The following MOV10L1 variants were observed in gnomAD, a reference collection of about 807,000 sequenced individuals.
MOV10L1 encodes the protein Mov10 like RNA helicase 1, also known as RNA helicase Mov10l1.
A neutral mutation model predicts 143.8 loss-of-function variants in MOV10L1; 110 were observed. The observed-to-expected ratio is 0.76, with a 90% CI of 0.66 to 0.90. The LOEUF (loss-of-function observed/expected upper bound fraction) is 0.90. Ranked by LOEUF, MOV10L1 falls within the 40% of genes least tolerant of loss-of-function variation. MOV10L1 has a pLI of 0.00. For missense variants in MOV10L1, 1,406 were observed against 1,526.8 expected (o/e 0.92, Z 1.32); for synonymous variants, 593 against 581.1 (o/e 1.02, Z -0.29).
chr22:50,113,482 C>T (rs1249942593), intron 5 of MOV10L1, 166 bp from the exon 6 acceptor site: 2 of 860,482 alleles, frequency 2.3e-6, no homozygotes, highest in African/African-American at 3.4e-5. Flanking sequence ...CGTTCTCTTC[C>T]TTAGGGTTTG....
At chr22:50,113,039 G>A (rs762123414) in intron 5 of MOV10L1, among the ~76,000 whole-genome samples, 4 of 152,278 alleles carry the variant, frequency 2.6e-5, no homozygotes, top group Middle Eastern at 3.4e-3. Context: ...ATGGTGCTTC[G>A]GACTGGGAAG....
Position 50,142,090 on chromosome 22 carries a change from A to G in MOV10L1, c.2080A>G (p.Thr694Ala). 1 of 1,608,408 alleles carries G rather than the reference A, an allele frequency of 6.2e-7. No individual in the cohort carries two copies. The highest frequency in any genetic ancestry group is 8.5e-7 in the Non-Finnish European group (1 of 1,178,408). The change falls in exon 16 of 27, where the codon ACA (threonine) becomes GCA (alanine). Residue 694 changes from threonine (T) to alanine (A), a missense_variant. This residue lies in a region of MOV10L1 where 1,233 missense variants were observed against 1,351.4 expected (regional missense o/e 0.91). Coordinates refer to ENST00000262794, the MANE Select transcript of MOV10L1 (RefSeq NM_018995.3). ...GCCTGATAATTTCTAGAATAGGAAA[A>G]CAATGACGGACCAAGCTGAGCATGG... Reference protein sequence around the residue: ...GQSTSKKNRKTMTDQAEHGTE... With the variant: ...GQSTSKKNRKAMTDQAEHGTE...
rs562133160 is a variant in MOV10L1, at chr22:50,110,178, GGTGGCTCACGCCCGTAATACCA to G, written c.743+1336_743+1357del. ...AAAAGAAGACTGTCTTGCCGGGCGC[GGTGGCTCACGCCCGTAATACCA>G]GCACTTTGGGAGGCCGAGGTGGGTG... On this transcript the variant is annotated intron_variant, in intron 5 of 26. Coordinates refer to ENST00000262794, the MANE Select transcript of MOV10L1 (RefSeq NM_018995.3). Among the ~76,000 whole-genome samples, 19 of 152,100 alleles carry G rather than the reference GGTGGCTCACGCCCGTAATACCA, an allele frequency of 1.2e-4. No homozygotes were observed. In the East Asian group the frequency reaches 2.3e-3, roughly 19 times the overall value.
At chr22:50,139,420 A>G (rs1399958402) in intron 15 of MOV10L1, among the ~76,000 whole-genome samples, 3 of 152,040 alleles carry the variant, frequency 2.0e-5, no homozygotes, top group African/African-American at 7.2e-5. Context: ...CTGAAAAGAC[A>G]TTGTTAGACA....
At position 50,128,482 on chromosome 22, in the gene MOV10L1, A is replaced by G. The variant is rs746576478; in HGVS notation, c.1885A>G (p.Met629Val). Residue 629 changes from methionine (M) to valine (V), a missense_variant, in exon 13 of 27, where the codon ATG becomes GTG. Transcript: ENST00000262794. ...EFEQAYNFEPMDVEFTYNRTT... is the reference protein window; with the variant it reads ...EFEQAYNFEPVDVEFTYNRTT... Reference sequence around the variant, plus strand: ...TGAACAAGCCTATAACTTTGAACCTATGGATGTGGAATTTACATATAATAG... The same window carrying G: ...TGAACAAGCCTATAACTTTGAACCTGTGGATGTGGAATTTACATATAATAG... The G allele has an allele frequency of 1.4e-4, 213 of 1,532,024 alleles. 1 individual carries two copies. The highest frequency in any genetic ancestry group is 7.0e-5 in the Admixed American group (4 of 56,858). 94.9% of individuals were successfully genotyped at this position (1,532,024 alleles called of 1,614,324 possible). A position where few individuals can be genotyped will look rare whatever the true frequency, so the allele number is the denominator to read the frequency against.
rs748978745 is a variant in MOV10L1 at position 50,158,058 on chromosome 22, G to A, written c.3068G>A (p.Gly1023Asp). Residue 1023 changes from glycine (G) to aspartate (D), a missense_variant and splice_region_variant, in exon 23 of 27, where the codon GGC becomes GAC. Gly to Asp is a moderately conservative substitution (Grantham distance 94). Around this residue, in one of 3 missense-constraint regions of MOV10L1, gnomAD observed 1,233 missense variants for 1,351.4 expected, o/e 0.91. Transcript: ENST00000262794. This position sits in a 1 kb window ranked among gnomAD's most constrained non-coding sequence, Gnocchi z 5.0. ...GGTTTTCTCTCCTCATCAACCCAGG[G>A]CAGCGAGGCACGGGAGGGAAAAAGC... ...GFPLIFHGVR[G>D]SEAREGKSPS... The A allele has an allele frequency of 1.3e-5, 21 of 1,612,944 alleles. No homozygotes were observed. The highest frequency in any genetic ancestry group is 1.3e-5 in the Non-Finnish European group (15 of 1,179,334).
intron 3 of MOV10L1, among the ~76,000 whole-genome samples, chr22:50,103,137 C>T (rs1177790544): frequency 2.6e-5 from 4 of 152,078 alleles, no homozygotes; most frequent in Admixed American, 6.5e-5. Context: ...GTCTGACACA[C>T]GAGGGCAGCA....
At chr22:50,146,401 C>A (rs1024657210) in intron 19 of MOV10L1, among the ~76,000 whole-genome samples, 17 of 152,064 alleles carry the variant, frequency 1.1e-4, no homozygotes, top group African/African-American at 3.6e-4. Flanking sequence ...CCCCTGGGGG[C>A]TGGGAGGAAG....
At chr22:50,151,860 C>T (rs1284131991) in intron 21 of MOV10L1, among the ~76,000 whole-genome samples, 21 of 152,340 alleles carry the variant, frequency 1.4e-4, no homozygotes, top group Middle Eastern at 3.4e-3. Context: ...CCCTGCCGCA[C>T]GGGAGGTGAA....
chr22:50,108,439 G>T (rs3810973), intron 4 of MOV10L1, 191 bp downstream of exon 4: 182,709 of 752,660 alleles, frequency 0.24, 23,550 homozygotes, highest in Admixed American at 0.38. Context: ...CCTAGTGCTT[G>T]CATACCTGAA....
At chr22:50,153,501 G>A (rs1222492747) in intron 22 of MOV10L1, among the ~76,000 whole-genome samples, 1 of 152,242 alleles carries the variant, frequency 6.6e-6, no homozygotes, top group Non-Finnish European at 1.5e-5. Context: ...GCTGCCCAGT[G>A]AGCTCTGGAG....
At chr22:50,153,255 G>C (rs775923941) in intron 22 of MOV10L1, 37 bp downstream of exon 22, 1 of 1,583,302 alleles carries the variant, frequency 6.3e-7, no homozygotes, top group African/African-American at 1.3e-5. Context: ...GACCGTGTCG[G>C]GTAAGGACAG....
At chr22:50,160,094 G>A (rs2063516629) in intron 24 of MOV10L1, among the ~76,000 whole-genome samples, 1 of 152,094 alleles carries the variant, frequency 6.6e-6, no homozygotes, top group African/African-American at 2.4e-5. Context: ...GGGAGGGCAG[G>A]TACCCGCAGG....
chr22:50,093,632 C>T (rs188452957), intron 2 of MOV10L1: 1 of 152,268 alleles, frequency 6.6e-6, no homozygotes, highest in East Asian at 1.9e-4. Flanking sequence ...CCTCAGCCTC[C>T]TGAGTAACTG....
rs35212822 is a variant in MOV10L1 at position 50,157,761 on chromosome 22, C to CAAA, written c.3067-278_3067-276dup. ...AGTAGCTATATCAAAGGTCTAATATCAAAAAAAAAAAAAAAAAAAAGATCA... is the reference window on the plus strand; with the variant it reads ...AGTAGCTATATCAAAGGTCTAATATCAAAAAAAAAAAAAAAAAAAAAAAGATCA... On this transcript the variant is annotated intron_variant, in intron 22 of 26. Coordinates refer to ENST00000262794, the MANE Select transcript of MOV10L1 (RefSeq NM_018995.3). Among the ~76,000 whole-genome samples the CAAA allele has an allele frequency of 5.6e-3, 671 of 120,260 alleles. 6 individuals carry two copies. Among genetic ancestry groups the CAAA allele is most frequent in the Middle Eastern group, 0.019 (4 of 210 alleles). The allele number at this position is 120,260 out of a possible 152,430, so 78.9% of individuals were successfully genotyped here.
At chr22:50,144,325 G>C in intron 18 of MOV10L1, 82 bp downstream of exon 18, 3 of 1,472,244 alleles carry the variant, frequency 2.0e-6, no homozygotes, top group Non-Finnish European at 2.7e-6. Context: ...GGGGAGGGCA[G>C]GGGTAGGAGG....
chr22:50,125,713 C>A, intron 11 of MOV10L1, 144 bp downstream of exon 11: 3 of 761,136 alleles, frequency 3.9e-6, no homozygotes, highest in South Asian at 2.1e-5. Flanking sequence ...AATCAGCAAC[C>A]GATGTACATC....
intron 13 of MOV10L1, 110 bp from the exon 14 acceptor site, chr22:50,133,896 AT>A: frequency 5.5e-6 from 5 of 910,380 alleles, no homozygotes; most frequent in Admixed American, 2.9e-5. Context: ...TGTTGCTGTG[AT>A]TTTTTTATAT....
In MOV10L1 at chr22:50,114,163, C is replaced by T. The variant is rs912612061; in HGVS notation, c.885-218C>T. Among the ~76,000 whole-genome samples the T allele has an allele frequency of 7.9e-5, 12 of 151,612 alleles. No individual in the cohort carries two copies. The East Asian group carries it at 1.6e-3, about 20-fold the overall frequency. On this transcript the variant is annotated intron_variant, in intron 6 of 26. Transcript: ENST00000262794. ...TGGAGCTCCTGACCTTGTGATTTGCCGCCTCAGCCTCCCAAAGTGCTGGGA... is the reference window on the plus strand; with the variant it reads ...TGGAGCTCCTGACCTTGTGATTTGCTGCCTCAGCCTCCCAAAGTGCTGGGA...
Sources: gnomAD v4.1 joint callset for allele counts (sites outside exome capture counted in the v4.1 genomes callset) on GRCh38, gnomAD v4.1.1 for gene constraint, gnomAD v4.1.1 regional missense constraint, Gnocchi (gnomAD v3.1) non-coding constraint, MANE v1.5 for transcripts, NCBI Gene and HGNC (gene_info 2026-07-23, HGNC 2026-07-21) for gene names.